Variants in MAP4K2 observed in about 807,000 individuals in gnomAD.
The protein encoded by MAP4K2 is B lymphocyte serine/threonine protein kinase.
Under a neutral mutation model 125.3 loss-of-function variants are expected in MAP4K2, and 85 were observed. The observed-to-expected ratio is 0.68, with a 90% CI of 0.57 to 0.81. The LOEUF (loss-of-function observed/expected upper bound fraction) is 0.81, where lower values mean the gene tolerates loss of function less well. Among genes scored for constraint, MAP4K2 ranks in the 40% least tolerant of loss-of-function variants. The pLI is 0.00. For missense variants in MAP4K2, 923 were observed against 1,056.4 expected (o/e 0.87, Z 1.75); for synonymous variants, 479 against 445.1 (o/e 1.08, Z -0.96).
chr11:64,793,898 C>T (rs1940639747), intron 24 of MAP4K2, among the ~76,000 whole-genome samples: 1 of 152,192 alleles, frequency 6.6e-6, no homozygotes, highest in South Asian at 2.1e-4. Flanking sequence ...AAAGCAGACT[C>T]ACTTGGGGAC....
intron 24 of MAP4K2, 129 bp downstream of exon 24, chr11:64,796,142 CAG>C: frequency 3.8e-6 from 3 of 790,556 alleles, no homozygotes. Flanking sequence ...ATTGTATTGA[CAG>C]AGGAGGAAAC....
rs189897451 is a variant in MAP4K2 at position 64,791,063 on chromosome 11, G to A, written c.2093-601C>T. Among the ~76,000 whole-genome samples, 42 of 152,338 alleles carry A rather than the reference G, an allele frequency of 2.8e-4. No individual in the cohort carries two copies. The East Asian group carries it at 3.7e-3, about 13-fold the overall frequency. On this transcript the variant is annotated intron_variant, in intron 27 of 31. Coordinates refer to ENST00000294066, the MANE Select transcript of MAP4K2 (RefSeq NM_004579.5). ...AGGCAAGAGAATAGCTTGAACCCACGAGGCAGAGGTTGCAGTGAGCCGAGA... is the reference window on the plus strand; with the variant it reads ...AGGCAAGAGAATAGCTTGAACCCACAAGGCAGAGGTTGCAGTGAGCCGAGA...
Position 64,792,253 on chromosome 11 carries a change from G to C in MAP4K2, c.1833C>G (p.Ala611=). The change falls in exon 26 of 32, where the codon GCC becomes GCG. Residue 611 remains alanine (A), a synonymous_variant. Coordinates refer to ENST00000294066, the MANE Select transcript of MAP4K2 (RefSeq NM_004579.5). ...TGGGCAGGGCGGCCAGCAGGAAGGT[G>C]GCACCCGTGTAGGGGTTCCGCACTG... The part of the protein sequence containing the change: ...CRVVRNPYTG[A]TFLLAALPTS... The C allele has an allele frequency of 6.2e-7, 1 of 1,611,240 alleles. No individual in the cohort carries two copies. The highest frequency in any genetic ancestry group is 8.5e-7 in the Non-Finnish European group (1 of 1,179,308).
rs77327587 is a variant in MAP4K2 at position 64,790,921 on chromosome 11, AG to A, written c.2093-460del. 7.3e-4 allele frequency among the ~76,000 whole-genome samples: 111 copies of A among 152,274 alleles called. 1 individual carries two copies. In the East Asian group the frequency reaches 0.018, roughly 24 times the overall value. On this transcript the variant is annotated intron_variant, in intron 27 of 31. Transcript: ENST00000294066. ...GAGGCCGAAGCGGGTGGATCACCTG[AG>A]ATCAGGTGTTGGAGACCAGCCTGGC...
chr11:64,796,081 T>C (rs1940777316), intron 24 of MAP4K2, among the ~76,000 whole-genome samples, 192 bp downstream of exon 24: 1 of 152,154 alleles, frequency 6.6e-6, no homozygotes, highest in Non-Finnish European at 1.5e-5. Context: ...ACATCCACTG[T>C]CTCCTTCTTG....
chr11:64,794,908 A>T (rs2136042375), intron 24 of MAP4K2, among the ~76,000 whole-genome samples: 1 of 151,524 alleles, frequency 6.6e-6, no homozygotes, highest in East Asian at 1.9e-4. Flanking sequence ...TTTTTTTGAG[A>T]CAAGGTCTTG....
In MAP4K2 at chr11:64,790,256, T is replaced by C. The variant is rs1323538700; in HGVS notation, c.2180A>G (p.Asn727Ser). The change falls in exon 29 of 32, where the codon AAC becomes AGC. Residue 727 changes from asparagine (N) to serine (S), a missense_variant. Asn to Ser is a conservative substitution (Grantham distance 46, BLOSUM62 1). This residue lies in a region of MAP4K2 where 90 missense variants were observed against 144.9 expected (regional missense o/e 0.62). Coordinates refer to ENST00000294066, the MANE Select transcript of MAP4K2 (RefSeq NM_004579.5). ...VSFERCVRIVNMQGEPTATLA... is the reference protein window; with the variant it reads ...VSFERCVRIVSMQGEPTATLA... ...TGTGGCCGTGGGCTCGCCCTGCATG[T>C]TGACAATCCTCACACAGCCTGCACA... 6.2e-7 allele frequency: 1 copy of C among 1,614,152 alleles called. No homozygotes were observed. The highest frequency in any genetic ancestry group is 1.7e-5 in the Admixed American group (1 of 60,018).
At chr11:64,801,373 C>CG (rs1941154598) in intron 7 of MAP4K2, among the ~76,000 whole-genome samples, 190 bp from the exon 8 acceptor site, 1 of 152,198 alleles carries the variant, frequency 6.6e-6, no homozygotes, top group Non-Finnish European at 1.5e-5. Context: ...CTATCCCTGA[C>CG]GGAGTGCCTG....
chr11:64,787,074 G>A lies in MAP4K2; in HGVS notation c.*2463C>T, dbSNP rs1940224143. 7.0e-6 allele frequency: 1 copy of A among 142,580 alleles called. No individual in the cohort carries two copies. The highest frequency in any genetic ancestry group is 2.0e-4 in the East Asian group (1 of 4,926). 8.8% of individuals were successfully genotyped at this position (142,580 alleles called of 1,614,324 possible). A position where few individuals can be genotyped will look rare whatever the true frequency, so the allele number is the denominator to read the frequency against. On this transcript the variant is annotated 3_prime_UTR_variant, in exon 32 of 32. Transcript: ENST00000294066. The stretch of plus-strand genomic sequence containing the variant: ...AGACGGAGTCTTGCACTGTCGCCCA[G>A]GCTGGAGTGCAGTGGCATGTTCTAG...
chr11:64,792,143 G>A (rs1289573562), intron 26 of MAP4K2, 29 bp downstream of exon 26: 3 of 1,590,250 alleles, frequency 1.9e-6, no homozygotes, highest in East Asian at 2.3e-5. Context: ...CTCTGAGGGT[G>A]CCCTGGGCCT....
chr11:64,801,987 G>T (rs1441672497), intron 5 of MAP4K2, 79 bp downstream of exon 5: 3 of 1,456,312 alleles, frequency 2.1e-6, no homozygotes, highest in South Asian at 1.2e-5. Flanking sequence ...CACTCCACCC[G>T]CCTCCCTGCT....
intron 18 of MAP4K2, 23 bp from the exon 19 acceptor site, chr11:64,797,215 A>G (rs897262395): frequency 6.8e-6 from 11 of 1,610,918 alleles, no homozygotes; most frequent in Non-Finnish European, 9.3e-6. Flanking sequence ...GCGTGCTGTA[A>G]TTTCCTGCTG....
At chr11:64,799,373 C>G (rs766220526) in intron 14 of MAP4K2, 48 bp downstream of exon 14, 10 of 1,602,798 alleles carry the variant, frequency 6.2e-6, no homozygotes, top group Non-Finnish European at 4.3e-6. Context: ...TCCGACCTCC[C>G]TGCCCCACCT....
At chr11:64,791,333 T>G (rs552658043) in intron 27 of MAP4K2, among the ~76,000 whole-genome samples, 17 of 152,362 alleles carry the variant, frequency 1.1e-4, no homozygotes, top group African/African-American at 3.8e-4. Context: ...CCTTGCCAGA[T>G]CTGCCTCTTC....
At chr11:64,800,473 T>C in intron 10 of MAP4K2, 81 bp from the exon 11 acceptor site, 4 of 1,465,594 alleles carry the variant, frequency 2.7e-6, no homozygotes, top group Non-Finnish European at 3.8e-6. Context: ...CTACCACCCC[T>C]CCAGAGGCGT....
At position 64,787,033 on chromosome 11, in the gene MAP4K2, C is replaced by CT. The variant is rs56139846; in HGVS notation, c.*2503dup. 124,282 of 137,582 alleles carry CT rather than the reference C, an allele frequency of 0.9. 57,153 individuals carry two copies. Among genetic ancestry groups the CT allele is most frequent in the South Asian group, 0.99 (4,420 of 4,484 alleles). The allele number at this position is 137,582 out of a possible 1,614,324, so 8.5% of individuals were successfully genotyped here. ...CCAGGATATATATATATTTTTTTCT[C>CT]TTTTTTTTTTTTTTGAGACGGAGTC... On this transcript the variant is annotated 3_prime_UTR_variant, in exon 32 of 32. Transcript: ENST00000294066.
intron 2 of MAP4K2, 79 bp downstream of exon 2, chr11:64,802,806 C>T: frequency 1.3e-6 from 2 of 1,517,024 alleles, no homozygotes; most frequent in African/African-American, 1.4e-5. Flanking sequence ...GTCTCGGAAA[C>T]GTCAACCCTC....
rs759800393 is a variant in MAP4K2, at chr11:64,791,931, C to A, written c.2070G>T (p.Thr690=). The A allele has an allele frequency of 2.5e-6, 4 of 1,597,176 alleles. No individual in the cohort carries two copies. Among genetic ancestry groups the A allele is most frequent in the Non-Finnish European group, 2.6e-6 (3 of 1,171,096 alleles). The change falls in exon 27 of 32, where the codon ACG becomes ACT. Residue 690 remains threonine, a synonymous_variant. Transcript: ENST00000294066. ...CACCAGGTGGGATGAGGATGTCGGG[C>A]GTCAGGCCAGCCTCCAGGGGCAGGA... The part of the protein sequence containing the change: ...FHVLPLEAGL[T]PDILIPPEGI...
intron 11 of MAP4K2, 43 bp from the exon 12 acceptor site, chr11:64,800,259 C>T (rs760289277): frequency 2.5e-6 from 4 of 1,612,204 alleles, no homozygotes; most frequent in African/African-American, 1.3e-5. Context: ...GCCCCTGATC[C>T]AGGGCCCTGC....
Sources: allele counts gnomAD v4.1 joint callset (sites outside exome capture counted in the v4.1 genomes callset), GRCh38; gene constraint gnomAD v4.1.1; regional missense constraint gnomAD v4.1.1; transcripts MANE v1.5; gene names NCBI Gene and HGNC (gene_info 2026-07-23, HGNC 2026-07-21).